The following CCDC60 variants were observed in gnomAD, a reference collection of about 807,000 sequenced individuals.
CCDC60 encodes coiled-coil domain containing 60.
In CCDC60, 54 loss-of-function variants were observed where a neutral mutation model predicts 63.5. The observed-to-expected ratio is 0.85, with a 90% CI of 0.68 to 1.07. The LOEUF (loss-of-function observed/expected upper bound fraction) is 1.07, where lower values mean the gene tolerates loss of function less well. Ranked by LOEUF, CCDC60 falls within the 50% of genes least tolerant of loss-of-function variation. CCDC60 has a pLI of 0.00. For synonymous variants in CCDC60, 206 were observed against 238.8 expected (o/e 0.86, Z 1.27); for missense variants, 651 against 684.3 (o/e 0.95, Z 0.54).
intron 2 of CCDC60, among the ~76,000 whole-genome samples, chr12:119,438,227 A>G (rs966509256): frequency 5.9e-5 from 9 of 152,074 alleles, no homozygotes; most frequent in African/African-American, 2.2e-4. Flanking sequence ...GAGGGTAAAT[A>G]TCTTTTTTAT....
intron 2 of CCDC60, among the ~76,000 whole-genome samples, chr12:119,446,806 A>G (rs1950551596): frequency 6.6e-6 from 1 of 151,758 alleles, no homozygotes; most frequent in Admixed American, 6.6e-5. Flanking sequence ...CCCTTTGGAT[A>G]TTTTTGGTCT....
intron 1 of CCDC60, among the ~76,000 whole-genome samples, chr12:119,342,182 C>T (rs1286448862): frequency 6.6e-6 from 1 of 152,204 alleles, no homozygotes; most frequent in Non-Finnish European, 1.5e-5. Context: ...CACAAAATGG[C>T]TGTCCCAGGT....
intron 7 of CCDC60, among the ~76,000 whole-genome samples, chr12:119,507,487 CATATATACATATATACACACAT>C (rs1952039857): frequency 2.1e-5 from 3 of 140,518 alleles, no homozygotes; most frequent in Non-Finnish European, 4.6e-5. Flanking sequence ...CATATATACA[CATATATACATATATACACACAT>C]ATATATACAT....
At chr12:119,377,170 G>A (rs547117401) in intron 1 of CCDC60, among the ~76,000 whole-genome samples, 14 of 148,736 alleles carry the variant, frequency 9.4e-5, no homozygotes, top group African/African-American at 3.0e-4. Flanking sequence ...TATGGGAATC[G>A]CTTGAGCTTG....
intron 7 of CCDC60, among the ~76,000 whole-genome samples, chr12:119,510,393 G>T (rs920339979): frequency 3.3e-5 from 5 of 152,058 alleles, no homozygotes; most frequent in South Asian, 2.1e-4. Context: ...CTTCAGTCTG[G>T]TGGACTCCTG....
intron 1 of CCDC60, among the ~76,000 whole-genome samples, chr12:119,400,345 G>A (rs928331449): frequency 6.6e-5 from 10 of 152,170 alleles, no homozygotes; most frequent in South Asian, 4.1e-4. Flanking sequence ...CACTGCGCCC[G>A]GCCCGGTTGG....
In CCDC60 at chr12:119,410,091, T is replaced by C. The variant is rs539902749; in HGVS notation, c.91-18592T>C. Among the ~76,000 whole-genome samples the C allele has an allele frequency of 6.6e-6, 1 of 152,254 alleles. No homozygotes were observed. The highest frequency in any genetic ancestry group is 1.9e-4 in the East Asian group (1 of 5,174). ...CACGATACTCAATACCCTGACGCTCTCCAAGATACATTGTTATGTCAGGGG... is the reference window on the plus strand; with the variant it reads ...CACGATACTCAATACCCTGACGCTCCCCAAGATACATTGTTATGTCAGGGG... On this transcript the variant is annotated intron_variant, in intron 1 of 13. Transcript: ENST00000327554. This position sits in a 1 kb window ranked among gnomAD's most constrained non-coding sequence, Gnocchi z 4.0.
chr12:119,350,027 G>C (rs1490390139), intron 1 of CCDC60, among the ~76,000 whole-genome samples: 3 of 152,046 alleles, frequency 2.0e-5, no homozygotes, highest in Non-Finnish European at 1.5e-5. Flanking sequence ...AAGATACTAA[G>C]CAACATTTCA....
At chr12:119,430,267 C>A (rs1950204968) in intron 2 of CCDC60, among the ~76,000 whole-genome samples, 1 of 151,828 alleles carries the variant, frequency 6.6e-6, no homozygotes. Flanking sequence ...TTTGGAGATA[C>A]AACCGTTAAA....
intron 1 of CCDC60, among the ~76,000 whole-genome samples, chr12:119,397,407 A>C (rs966725776): frequency 3.3e-5 from 5 of 151,846 alleles, no homozygotes; most frequent in East Asian, 1.9e-4. Flanking sequence ...ATTTTGATAG[A>C]GTGCTGATTG....
intron 7 of CCDC60, among the ~76,000 whole-genome samples, chr12:119,508,297 G>A (rs1163062029): frequency 2.0e-5 from 3 of 151,894 alleles, no homozygotes; most frequent in Admixed American, 6.6e-5. Context: ...CCTGGCCAAC[G>A]GGGTGAAATC....
chr12:119,387,114 C>A (rs983639901), intron 1 of CCDC60, among the ~76,000 whole-genome samples: 1 of 150,772 alleles, frequency 6.6e-6, no homozygotes, highest in Admixed American at 6.6e-5. Context: ...ACTTTCCAAA[C>A]CCAGTCCTCA....
chr12:119,454,333 G>T (rs769105364), intron 2 of CCDC60, among the ~76,000 whole-genome samples: 3 of 152,112 alleles, frequency 2.0e-5, no homozygotes, highest in Non-Finnish European at 4.4e-5. Context: ...AGTTTGATGA[G>T]ATAATGCATA....
At chr12:119,449,386 T>A (rs972112259) in intron 2 of CCDC60, among the ~76,000 whole-genome samples, 2 of 152,146 alleles carry the variant, frequency 1.3e-5, no homozygotes, top group African/African-American at 2.4e-5. Flanking sequence ...TATATTCTAG[T>A]TCCTAGCTGG....
intron 6 of CCDC60, among the ~76,000 whole-genome samples, chr12:119,501,337 CT>C (rs1951845539): frequency 1.3e-5 from 2 of 152,148 alleles, no homozygotes; most frequent in African/African-American, 4.8e-5. Context: ...CTTAATAACC[CT>C]ATGGGGCACT....
At chr12:119,422,051 T>G (rs1341598138) in intron 1 of CCDC60, among the ~76,000 whole-genome samples, 1 of 152,156 alleles carries the variant, frequency 6.6e-6, no homozygotes, top group Non-Finnish European at 1.5e-5. Flanking sequence ...TCTGACGATC[T>G]TGCTCTCAAA....
Position 119,370,284 on chromosome 12 carries a change from T to C in CCDC60, c.90+35018T>C, listed in dbSNP as rs1011306780. Reference sequence around the variant, plus strand: ...CACTATTGTTAAGTTCTTGGCAAAGTTGCCAAATGTCAGGCAGACAGTGCG... The same window carrying C: ...CACTATTGTTAAGTTCTTGGCAAAGCTGCCAAATGTCAGGCAGACAGTGCG... On this transcript the variant is annotated intron_variant, in intron 1 of 13. Coordinates refer to ENST00000327554, the MANE Select transcript of CCDC60 (RefSeq NM_178499.5). 3.9e-5 allele frequency among the ~76,000 whole-genome samples: 6 copies of C among 152,244 alleles called. No individual in the cohort carries two copies. The East Asian group carries it at 5.8e-4, about 15-fold the overall frequency.
At chr12:119,381,682 T>C (rs1421265609) in intron 1 of CCDC60, among the ~76,000 whole-genome samples, 1 of 152,118 alleles carries the variant, frequency 6.6e-6, no homozygotes, top group African/African-American at 2.4e-5. Flanking sequence ...GCACCTGCTA[T>C]TGCCACCCCA....
chr12:119,402,142 ATGT>A (rs2136224855), intron 1 of CCDC60, among the ~76,000 whole-genome samples: 1 of 152,196 alleles, frequency 6.6e-6, no homozygotes, highest in South Asian at 2.1e-4. Flanking sequence ...CCTGCATGTG[ATGT>A]TGTGTTGATT....
Sources: gnomAD v4.1 joint callset for allele counts (sites outside exome capture counted in the v4.1 genomes callset) on GRCh38, gnomAD v4.1.1 for gene constraint, Gnocchi (gnomAD v3.1) non-coding constraint, MANE v1.5 for transcripts, NCBI Gene and HGNC (gene_info 2026-07-23, HGNC 2026-07-21) for gene names.